PSMF1: variants seen among roughly 807,000 people sequenced by gnomAD.
PSMF1 encodes the protein proteasome inhibitor PI31 subunit.
Under a neutral mutation model 29.3 loss-of-function variants are expected in PSMF1, and 30 were observed. That is an observed-to-expected ratio of 1.02 (90% CI 0.77 to 1.39). The LOEUF (loss-of-function observed/expected upper bound fraction) is 1.39. Among genes scored for constraint, PSMF1 ranks in the 40% most tolerant of loss-of-function variants. The probability of loss-of-function intolerance (pLI) is 0.00; values close to 1 mark genes in which losing one functional copy is unlikely to be tolerated. For missense variants in PSMF1, 344 were observed against 357.5 expected, an observed-to-expected ratio of 0.96 and a Z score of 0.31; for synonymous variants, 134 against 139.7, an observed-to-expected ratio of 0.96 and a Z score of 0.29.
In PSMF1 at chr20:1,163,301, G is replaced by C; in HGVS notation, c.605+118G>C. ...CTCTTCCTTTGGGGTGGAGGAGGCAGTTGTTGCTGAGCAGCTGAGAAAGCA... is the reference window on the plus strand; with the variant it reads ...CTCTTCCTTTGGGGTGGAGGAGGCACTTGTTGCTGAGCAGCTGAGAAAGCA... On this transcript the variant is annotated intron_variant, in intron 5 of 6. Transcript: ENST00000335877. This position sits in a 1 kb window ranked among gnomAD's most constrained non-coding sequence, Gnocchi z 6.1. The C allele has an allele frequency of 3.4e-6, 4 of 1,176,458 alleles. No individual in the cohort carries two copies. The highest frequency in any genetic ancestry group is 4.9e-6 in the Non-Finnish European group (4 of 812,564). 72.9% of individuals were successfully genotyped at this position (1,176,458 alleles called of 1,614,324 possible).
At chr20:1,142,618 A>G (rs549447148) in intron 4 of PSMF1, among the ~76,000 whole-genome samples, 4 of 152,334 alleles carry the variant, frequency 2.6e-5, no homozygotes, top group South Asian at 4.1e-4. Context: ...TTTTATGGCT[A>G]CATAGTACTC....
At chr20:1,129,798 T>A (rs190149596) in intron 3 of PSMF1, among the ~76,000 whole-genome samples, 3 of 152,346 alleles carry the variant, frequency 2.0e-5, no homozygotes, top group Non-Finnish European at 2.9e-5. Context: ...AATTACCGTA[T>A]AATCCTGCAT....
At chr20:1,161,333 G>A in intron 4 of PSMF1, 1 of 329,742 alleles carries the variant, frequency 3.0e-6, no homozygotes, top group Non-Finnish European at 5.7e-6. Flanking sequence ...GCAACATGCA[G>A]TTCCAGTGTT....
chr20:1,156,838 T>C (rs879391969), intron 4 of PSMF1, among the ~76,000 whole-genome samples: 1 of 152,142 alleles, frequency 6.6e-6, no homozygotes, highest in Non-Finnish European at 1.5e-5. Context: ...AGAAGAGTGG[T>C]AGAAATGGTA....
chr20:1,148,574 T>C (rs1400920176), intron 4 of PSMF1, among the ~76,000 whole-genome samples: 2 of 152,260 alleles, frequency 1.3e-5, no homozygotes, highest in Admixed American at 6.5e-5. Flanking sequence ...ATGTTCCAAA[T>C]AGTTTGCATT....
intron 3 of PSMF1, among the ~76,000 whole-genome samples, chr20:1,133,547 A>ATC (rs2086257742): frequency 1.6e-5 from 1 of 63,042 alleles, no homozygotes; most frequent in African/African-American, 5.9e-5. Context: ...ATACTAGTCT[A>ATC]TATATGTGTA....
In PSMF1 at chr20:1,164,749, C is replaced by T. The variant is rs2086707846; in HGVS notation, c.764+273C>T. Among the ~76,000 whole-genome samples the T allele has an allele frequency of 6.6e-6, 1 of 152,156 alleles. No individual in the cohort carries two copies. Among genetic ancestry groups the T allele is most frequent in the Non-Finnish European group, 1.5e-5 (1 of 68,032 alleles). On this transcript the variant is annotated intron_variant, in intron 6 of 6. Coordinates refer to ENST00000335877, the MANE Select transcript of PSMF1 (RefSeq NM_006814.5). This position sits in a 1 kb window ranked among gnomAD's most constrained non-coding sequence, Gnocchi z 4.1. ...CAATTCTTGAAAGTTAAGTATGTGGCAGAAACTCAGTGGATCCTTTCTTCA... is the reference window on the plus strand; with the variant it reads ...CAATTCTTGAAAGTTAAGTATGTGGTAGAAACTCAGTGGATCCTTTCTTCA...
chr20:1,160,761 A>C, intron 4 of PSMF1: 2 of 433,562 alleles, frequency 4.6e-6, no homozygotes, highest in South Asian at 3.6e-5. Context: ...CAAGGCCCAG[A>C]GCAAGCACGG....
At chr20:1,153,958 GTAT>G (rs1203313502) in intron 4 of PSMF1, among the ~76,000 whole-genome samples, 23 of 152,174 alleles carry the variant, frequency 1.5e-4, no homozygotes, top group Admixed American at 1.5e-3. Flanking sequence ...ATTAAGTACA[GTAT>G]TATTTGTAGT....
chr20:1,154,685 A>G (rs886620021), intron 4 of PSMF1, among the ~76,000 whole-genome samples: 2 of 152,214 alleles, frequency 1.3e-5, no homozygotes, highest in Non-Finnish European at 2.9e-5. Flanking sequence ...TAGTCTTCTG[A>G]ATGAGAACCT....
At position 1,137,482 on chromosome 20, in the gene PSMF1, C is replaced by A. The variant is rs1326589090; in HGVS notation, c.551+2176C>A. The stretch of plus-strand genomic sequence containing the variant: ...AGTTCACAGCAACCTCAATCTAGAT[C>A]TAACTCCCAGTTTAAAAATATGAAG... On this transcript the variant is annotated intron_variant, in intron 4 of 6. Coordinates refer to ENST00000335877, the MANE Select transcript of PSMF1 (RefSeq NM_006814.5). 2.6e-5 allele frequency among the ~76,000 whole-genome samples: 4 copies of A among 152,158 alleles called. No individual in the cohort carries two copies. In the East Asian group the frequency reaches 7.7e-4, roughly 29 times the overall value.
intron 4 of PSMF1, among the ~76,000 whole-genome samples, chr20:1,142,045 A>G (rs1359496379): frequency 6.6e-6 from 1 of 152,026 alleles, no homozygotes; most frequent in Non-Finnish European, 1.5e-5. Context: ...AACATGGTGA[A>G]ACCCCGTCTC....
intron 4 of PSMF1, among the ~76,000 whole-genome samples, chr20:1,150,393 C>T (rs766528782): frequency 2.4e-4 from 36 of 152,038 alleles, no homozygotes; most frequent in Non-Finnish European, 4.7e-4. Context: ...ACTATGGCAT[C>T]AGCAGTTCCA....
chr20:1,165,287 G>A lies in PSMF1; in HGVS notation c.*207G>A, dbSNP rs372979271. On this transcript the variant is annotated 3_prime_UTR_variant, in exon 7 of 7. Coordinates refer to ENST00000335877, the MANE Select transcript of PSMF1 (RefSeq NM_006814.5). ...CCTAGCTGCAGATAGCTCCCAAAGA[G>A]AAATCAGTGTGTCTCTTTCACCATC... 1.4e-6 allele frequency: 2 copies of A among 1,415,680 alleles called. No individual in the cohort carries two copies. Among genetic ancestry groups the A allele is most frequent in the African/African-American group, 2.9e-5 (2 of 69,322 alleles). 87.7% of individuals were successfully genotyped at this position (1,415,680 alleles called of 1,614,324 possible). A position where few individuals can be genotyped will look rare whatever the true frequency, so the allele number is the denominator to read the frequency against.
At chr20:1,127,593 A>T (rs2086175502) in intron 3 of PSMF1, 85 bp downstream of exon 3, 1 of 1,127,118 alleles carries the variant, frequency 8.9e-7, no homozygotes. Flanking sequence ...TGTGTCCAGA[A>T]AATTAAGGAA....
At chr20:1,144,068 A>G (rs1207128085) in intron 4 of PSMF1, among the ~76,000 whole-genome samples, 3 of 152,180 alleles carry the variant, frequency 2.0e-5, no homozygotes, top group African/African-American at 7.2e-5. Context: ...AGCCTGGGTG[A>G]CAGAGCAAGA....
At chr20:1,136,435 T>C (rs192487297) in intron 4 of PSMF1, among the ~76,000 whole-genome samples, 16 of 152,324 alleles carry the variant, frequency 1.1e-4, no homozygotes, top group African/African-American at 3.8e-4. Context: ...GAAAAAATTT[T>C]AGACCTAAAG....
chr20:1,117,110 G>A (rs1399326650), upstream of PSMF1, among the ~76,000 whole-genome samples: 2 of 152,150 alleles, frequency 1.3e-5, no homozygotes, highest in Non-Finnish European at 2.9e-5. Context: ...TAGCTTTGCT[G>A]TTGGACCAGA....
At position 1,148,144 on chromosome 20, in the gene PSMF1, T is replaced by G. The variant is rs950968490; in HGVS notation, c.551+12838T>G. On this transcript the variant is annotated intron_variant, in intron 4 of 6. Transcript: ENST00000335877. ...TTGTTTCCCTGTGTGTGTAGTGATG[T>G]ATGGCTGCAGCTTGTCAAAAGATTC... Among the ~76,000 whole-genome samples the G allele has an allele frequency of 4.6e-5, 7 of 152,284 alleles. No homozygotes were observed. In the South Asian group the frequency reaches 1.5e-3, roughly 32 times the overall value.
Sources: gnomAD v4.1 joint callset for allele counts (sites outside exome capture counted in the v4.1 genomes callset) on GRCh38, gnomAD v4.1.1 for gene constraint, Gnocchi (gnomAD v3.1) non-coding constraint, MANE v1.5 for transcripts, NCBI Gene and HGNC (gene_info 2026-07-23, HGNC 2026-07-21) for gene names.